CHIC1: variants seen among roughly 807,000 people sequenced by gnomAD.
CHIC1 encodes cysteine-rich hydrophobic domain-containing protein 1.
Under a neutral mutation model 18.5 loss-of-function variants are expected in CHIC1, and 7 were observed. The ratio of observed to expected loss-of-function variants is 0.38; its 90% CI spans 0.22 to 0.71. CHIC1 has a LOEUF of 0.71. Among genes scored for constraint, CHIC1 ranks in the 30% least tolerant of loss-of-function variants. CHIC1 has a pLI of 0.49. For synonymous variants in CHIC1, 77 were observed against 73.5 expected (o/e 1.05, Z -0.25); for missense variants, 159 against 176.9 (o/e 0.90, Z 0.57).
At chrX:73,644,226 CCTGATCGTTCCT>C (rs1471707595) in intron 3 of CHIC1, among the ~76,000 whole-genome samples, 3 of 111,836 alleles carry the variant, frequency 2.7e-5, no homozygotes, top group African/African-American at 9.8e-5. Context: ...AATGCTGCTG[CCTGATCGTTCCT>C]CTGGAAGTTT....
intron 3 of CHIC1, among the ~76,000 whole-genome samples, chrX:73,653,260 G>T (rs1293431911): frequency 1.8e-5 from 2 of 110,380 alleles, no homozygotes; most frequent in Non-Finnish European, 3.8e-5. Flanking sequence ...TAGAGGACGG[G>T]TCAATAGATG....
intron 3 of CHIC1, among the ~76,000 whole-genome samples, chrX:73,660,557 A>T (rs2057974886): frequency 8.9e-6 from 1 of 111,878 alleles, no homozygotes; most frequent in African/African-American, 3.3e-5. Flanking sequence ...TCTGGAGTGA[A>T]TGGTGTCTTG....
chrX:73,682,829 ATGTCT>A lies in CHIC1; in HGVS notation c.*1828_*1832del, dbSNP rs1187502390. On this transcript the variant is annotated 3_prime_UTR_variant, in exon 6 of 6. Transcript: ENST00000373502. ...AGAAGCCTCTGAAAATGTATACCAA[ATGTCT>A]TGTTTTGTAGCTAAGGTCGGGAAAA... is the stretch of plus-strand genomic sequence containing the variant. 2.7e-5 allele frequency: 3 copies of A among 111,285 alleles called. No individual in the cohort carries two copies. The highest frequency in any genetic ancestry group is 9.6e-5 in the Admixed American group (1 of 10,429). 9.2% of individuals were successfully genotyped at this position (111,285 alleles called of 1,213,427 possible).
At chrX:73,573,915 T>C (rs1203306684) in intron 1 of CHIC1, among the ~76,000 whole-genome samples, 2 of 110,785 alleles carry the variant, frequency 1.8e-5, no homozygotes, top group Non-Finnish European at 3.8e-5. Context: ...TTTGCATGCC[T>C]TTTTTTCTTC....
At chrX:73,565,103 A>G (rs745579741) in intron 1 of CHIC1, among the ~76,000 whole-genome samples, 1 of 111,324 alleles carries the variant, frequency 9.0e-6, no homozygotes, top group South Asian at 3.8e-4. Flanking sequence ...AATTTTGCAG[A>G]TAGCCTACAA....
At chrX:73,573,269 T>C (rs1358702711) in intron 1 of CHIC1, among the ~76,000 whole-genome samples, 2 of 111,333 alleles carry the variant, frequency 1.8e-5, no homozygotes, top group Non-Finnish European at 1.9e-5. Flanking sequence ...CGCAGCTTTA[T>C]TTCTGTGGTC....
chrX:73,624,116 A>C (rs1247437388), intron 3 of CHIC1, among the ~76,000 whole-genome samples: 1 of 109,654 alleles, frequency 9.1e-6, no homozygotes, highest in East Asian at 2.9e-4. Context: ...TGGGAGTCTT[A>C]TCTCTCAGGT....
intron 3 of CHIC1, among the ~76,000 whole-genome samples, chrX:73,611,720 T>C (rs2057709581): frequency 9.2e-6 from 1 of 108,572 alleles, no homozygotes. Flanking sequence ...TTCTAACTTG[T>C]GTGAGATGGT....
chrX:73,640,199 T>C (rs1193684840), intron 3 of CHIC1, among the ~76,000 whole-genome samples: 2 of 111,906 alleles, frequency 1.8e-5, no homozygotes, highest in Non-Finnish European at 3.8e-5. Flanking sequence ...CTTTAAAGTA[T>C]ATTCCTTCAA....
At chrX:73,670,124 T>C (rs1240229750) in intron 3 of CHIC1, among the ~76,000 whole-genome samples, 3 of 111,320 alleles carry the variant, frequency 2.7e-5, no homozygotes, top group African/African-American at 9.8e-5. Flanking sequence ...TTTCCCAGGG[T>C]CACACAGTCA....
At position 73,683,766 on chromosome X, in the gene CHIC1, C is replaced by G. The variant is rs978518909; in HGVS notation, c.*2761C>G. 3.6e-5 allele frequency: 4 copies of G among 111,581 alleles called. No individual in the cohort carries two copies. The highest frequency in any genetic ancestry group is 7.6e-5 in the Non-Finnish European group (4 of 52,766). 9.2% of individuals were successfully genotyped at this position (111,581 alleles called of 1,213,427 possible). A position where few individuals can be genotyped will look rare whatever the true frequency, so the allele number is the denominator to read the frequency against. On this transcript the variant is annotated 3_prime_UTR_variant, in exon 6 of 6. Coordinates refer to ENST00000373502, the MANE Select transcript of CHIC1 (RefSeq NM_001039840.4). ...ATGTTCCAATGTTTCTCATTTGGCC[C>G]AAGATTCTGGCTTCATAAATTTGTC...
chrX:73,680,980 A>G lies in CHIC1; in HGVS notation c.650A>G (p.Lys217Arg). The change falls in exon 6 of 6, where the codon AAA (lysine) becomes AGA (arginine). Residue 217 changes from lysine to arginine, a missense_variant. Physicochemically the swap from Lys to Arg is conservative, Grantham distance 26. Transcript: ENST00000373502. ...GTAATACTAATAGAATTCTTACCAA[A>G]ATATCCCATATTCCGACCTGACTGA... ...EYVILIEFLPKYPIFRPD is the reference protein window; with the variant it reads ...EYVILIEFLPRYPIFRPD The G allele has an allele frequency of 9.0e-7, 1 of 1,113,412 alleles. No homozygotes were observed. Among genetic ancestry groups the G allele is most frequent in the African/African-American group, 1.8e-5 (1 of 55,117 alleles). The allele number at this position is 1,113,412 out of a possible 1,213,427, so 91.8% of individuals were successfully genotyped here.
chrX:73,641,511 T>G (rs1438413931), intron 3 of CHIC1, among the ~76,000 whole-genome samples: 1 of 111,137 alleles, frequency 9.0e-6, no homozygotes, highest in Non-Finnish European at 1.9e-5. Context: ...TGAGATCAAT[T>G]TTTTTAAATT....
At chrX:73,662,053 TAAAA>T (rs1385123380) in intron 3 of CHIC1, among the ~76,000 whole-genome samples, 2 of 104,165 alleles carry the variant, frequency 1.9e-5, no homozygotes, top group Non-Finnish European at 3.9e-5. Context: ...AAAAAATAAA[TAAAA>T]ATAAATAAAT....
At chrX:73,655,281 T>C (rs961102716) in intron 3 of CHIC1, among the ~76,000 whole-genome samples, 1 of 106,382 alleles carries the variant, frequency 9.4e-6, no homozygotes, top group East Asian at 3.0e-4. Flanking sequence ...GGTGTGTGTG[T>C]GCGTGTGTGT....
intron 3 of CHIC1, among the ~76,000 whole-genome samples, chrX:73,637,192 A>G (rs956274890): frequency 3.3e-4 from 37 of 111,529 alleles, no homozygotes; most frequent in African/African-American, 1.1e-3. Context: ...CTTTAAGTAT[A>G]TCTTCACTGC....
chrX:73,638,520 C>A (rs900652001), intron 3 of CHIC1, among the ~76,000 whole-genome samples: 7 of 110,706 alleles, frequency 6.3e-5, no homozygotes, highest in African/African-American at 2.3e-4. Context: ...TTGAAGATGT[C>A]TTTTCTTTAA....
At chrX:73,653,543 G>A (rs879144763) in intron 3 of CHIC1, among the ~76,000 whole-genome samples, 1 of 111,549 alleles carries the variant, frequency 9.0e-6, no homozygotes, top group Admixed American at 9.5e-5. Context: ...CTTATTCAGG[G>A]TGTTGTGTAT....
chrX:73,625,649 C>T (rs1288658102), intron 3 of CHIC1, among the ~76,000 whole-genome samples: 1 of 111,413 alleles, frequency 9.0e-6, no homozygotes, highest in African/African-American at 3.3e-5. Context: ...GCAGATTAAT[C>T]CAAAGAGAGT....
Sources: gnomAD v4.1 joint callset for allele counts (sites outside exome capture counted in the v4.1 genomes callset) on GRCh38, gnomAD v4.1.1 for gene constraint, MANE v1.5 for transcripts, NCBI Gene and HGNC (gene_info 2026-07-23, HGNC 2026-07-21) for gene names.